Variants in KALRN observed in about 807,000 individuals in gnomAD.
KALRN encodes kalirin.
A neutral mutation model predicts 353.7 loss-of-function variants in KALRN; 70 were observed. The ratio of observed to expected loss-of-function variants is 0.20; its 90% CI spans 0.16 to 0.24. The LOEUF (loss-of-function observed/expected upper bound fraction) is 0.24. Among genes scored for constraint, KALRN ranks in the 10% least tolerant of loss-of-function variants. The pLI, the probability that KALRN is intolerant of heterozygous loss-of-function variation, is 1.00. For missense variants in KALRN, 2,791 were observed against 3,756.7 expected (o/e 0.74, Z 6.72); for synonymous variants, 1,391 against 1,434.8 (o/e 0.97, Z 0.69).
Position 124,395,243 on chromosome 3 carries a change from G to A in KALRN, c.2071G>A (p.Ala691Thr), listed in dbSNP as rs141093471. ...LIKQFQQQQT[A>T]TLDATLNVIK... Reference sequence around the variant, plus strand: ...CAAGCAGTTCCAGCAGCAGCAGACCGCCACTCTAGATGCCACACTCAATGT... The same window carrying A: ...CAAGCAGTTCCAGCAGCAGCAGACCACCACTCTAGATGCCACACTCAATGT... Residue 691 changes from alanine (A) to threonine (T), a missense_variant, in exon 12 of 60, where the codon GCC becomes ACC. By Grantham distance (58) the Ala-to-Thr change is moderately conservative. Transcript: ENST00000682506. The A allele has an allele frequency of 3.0e-5, 49 of 1,613,012 alleles. No individual in the cohort carries two copies. Among genetic ancestry groups the A allele is most frequent in the Middle Eastern group, 1.6e-4 (1 of 6,084 alleles).
At chr3:124,568,191 A>G (rs2073084341) in intron 34 of KALRN, among the ~76,000 whole-genome samples, 1 of 152,232 alleles carries the variant, frequency 6.6e-6, no homozygotes. Context: ...TGGACAAAGG[A>G]CTTAAACAGA....
At chr3:124,555,743 A>G (rs1048181408) in intron 33 of KALRN, among the ~76,000 whole-genome samples, 1 of 152,200 alleles carries the variant, frequency 6.6e-6, no homozygotes, top group African/African-American at 2.4e-5. Context: ...CATGGAATTT[A>G]TTCACTCGCG....
intron 33 of KALRN, among the ~76,000 whole-genome samples, chr3:124,501,483 A>ATGCAAGTT (rs2064529479): frequency 6.6e-6 from 1 of 152,220 alleles, no homozygotes; most frequent in Admixed American, 6.5e-5. Flanking sequence ...AGGCTTGGGT[A>ATGCAAGTT]GGAGATGGTA....
chr3:124,601,831 A>G (rs1381091169), intron 34 of KALRN, among the ~76,000 whole-genome samples: 3 of 151,384 alleles, frequency 2.0e-5, no homozygotes, highest in African/African-American at 7.3e-5. Context: ...GGTGTTTGAG[A>G]CCAGCCTAGG....
At chr3:124,142,180 G>A (rs1380365368) in intron 1 of KALRN, among the ~76,000 whole-genome samples, 1 of 152,192 alleles carries the variant, frequency 6.6e-6, no homozygotes, top group Non-Finnish European at 1.5e-5. Context: ...GAGACATAGG[G>A]CTAAGCTTTG....
At position 124,264,543 on chromosome 3, in the gene KALRN, G is replaced by A; in HGVS notation, c.309G>A (p.Arg103=). The change falls in exon 4 of 60, where the codon CGG becomes CGA. Residue 103 remains arginine (R), a synonymous_variant. Coordinates refer to ENST00000682506, the MANE Select transcript of KALRN (RefSeq NM_001388419.1). ...GCTTCACTGTCATCATCGACATGCG[G>A]GGCTCCAAGTGGGACCTCATCAAGC... The part of the protein sequence containing the change: ...KRGFTVIIDM[R]GSKWDLIKPL... 1 of 1,614,052 alleles carries A rather than the reference G, an allele frequency of 6.2e-7. No individual in the cohort carries two copies. The highest frequency in any genetic ancestry group is 8.5e-7 in the Non-Finnish European group (1 of 1,179,980).
At chr3:124,384,749 G>A in intron 10 of KALRN, 96 bp from the exon 11 acceptor site, 1 of 1,228,338 alleles carries the variant, frequency 8.1e-7, no homozygotes, top group African/African-American at 1.5e-5. Context: ...TCAGCTCAGC[G>A]CCCACGCCCC....
At chr3:124,323,574 G>T (rs753776097) in intron 6 of KALRN, among the ~76,000 whole-genome samples, 2 of 152,204 alleles carry the variant, frequency 1.3e-5, no homozygotes, top group Non-Finnish European at 2.9e-5. Context: ...CTTCCTAAAA[G>T]TAAGCAGAAA....
chr3:124,069,017 G>C (rs1165199731), intron 1 of KALRN, among the ~76,000 whole-genome samples: 2 of 152,174 alleles, frequency 1.3e-5, no homozygotes, highest in East Asian at 3.8e-4. Flanking sequence ...GTTGAAGCAT[G>C]AATAACAGCA....
intron 10 of KALRN, among the ~76,000 whole-genome samples, chr3:124,350,126 T>C (rs2082692799): frequency 6.6e-6 from 1 of 152,226 alleles, no homozygotes; most frequent in Admixed American, 6.5e-5. Flanking sequence ...ACCTTGGTTA[T>C]AGGCCCATGT....
rs201531934 is a variant in KALRN at position 124,667,207 on chromosome 3, G to T, written c.6703+24G>T. The T allele has an allele frequency of 5.2e-4, 835 of 1,604,072 alleles. 1 individual carries two copies. The highest frequency in any genetic ancestry group is 6.9e-4 in the Non-Finnish European group (805 of 1,173,280). On this transcript the variant is annotated intron_variant, in intron 47 of 59. Transcript: ENST00000682506. Reference sequence around the variant, plus strand: ...TGGTGGGTGCTGGGCTTGGTTCCTTGCAGGGCTGTGTCAGGGGACTCCACG... The same window carrying T: ...TGGTGGGTGCTGGGCTTGGTTCCTTTCAGGGCTGTGTCAGGGGACTCCACG...
intron 29 of KALRN, among the ~76,000 whole-genome samples, chr3:124,490,289 A>G (rs1266522181): frequency 6.6e-6 from 1 of 152,224 alleles, no homozygotes; most frequent in Non-Finnish European, 1.5e-5. Flanking sequence ...GGAGCTGAAG[A>G]CACTCAGTCA....
intron 5 of KALRN, among the ~76,000 whole-genome samples, chr3:124,292,599 T>C (rs2076517001): frequency 6.6e-6 from 1 of 151,316 alleles, no homozygotes; most frequent in Non-Finnish European, 1.5e-5. Flanking sequence ...GGTGGGAGGA[T>C]GGACAGGCAC....
At chr3:124,505,062 G>GCTTT in intron 33 of KALRN, 10 of 461,288 alleles carry the variant, frequency 2.2e-5, no homozygotes, top group South Asian at 1.6e-4. Context: ...AGAAGTGGTG[G>GCTTT]CTTTCAGGGC....
At position 124,697,704 on chromosome 3, in the gene KALRN, C is replaced by G; in HGVS notation, c.7811C>G (p.Thr2604Ser). ...GGAAACTGCACTATTTCTGGTTACA[C>G]TGTGGAGTACAGAGAGGAAGGTGCA... ...STGNCTISGY[T>S]VEYREEGSQI... Residue 2604 changes from threonine (T) to serine (S), a missense_variant, in exon 55 of 60, where the codon ACT becomes AGT. Around this residue, in one of 11 missense-constraint regions of KALRN, gnomAD observed 1,065 missense variants for 1,156.4 expected, o/e 0.92. Transcript: ENST00000682506. The G allele has an allele frequency of 6.3e-7, 1 of 1,589,796 alleles. No individual in the cohort carries two copies. The highest frequency in any genetic ancestry group is 8.6e-7 in the Non-Finnish European group (1 of 1,167,410).
chr3:124,380,500 G>C (rs1166320540), intron 10 of KALRN, among the ~76,000 whole-genome samples: 1 of 152,198 alleles, frequency 6.6e-6, no homozygotes, highest in East Asian at 1.9e-4. Context: ...CTACCTGAAA[G>C]CTCCAACAGC....
At chr3:124,637,366 A>G in intron 37 of KALRN, 63 bp downstream of exon 37, 1 of 1,202,466 alleles carries the variant, frequency 8.3e-7, no homozygotes, top group Admixed American at 1.7e-5. Flanking sequence ...CCAGGCTTGC[A>G]TCTGTCTGCC....
intron 34 of KALRN, among the ~76,000 whole-genome samples, chr3:124,588,586 G>A (rs186381469): frequency 6.6e-5 from 10 of 152,148 alleles, no homozygotes; most frequent in Admixed American, 5.9e-4. Context: ...CACCATGCCC[G>A]GCTAATTTTT....
intron 33 of KALRN, among the ~76,000 whole-genome samples, chr3:124,512,196 C>T (rs1446243491): frequency 6.6e-6 from 1 of 152,236 alleles, no homozygotes; most frequent in East Asian, 1.9e-4. Flanking sequence ...TGGATATTTT[C>T]CCTGGCCATT....
Sources: gnomAD v4.1 joint callset for allele counts (sites outside exome capture counted in the v4.1 genomes callset) on GRCh38, gnomAD v4.1.1 for gene constraint, gnomAD v4.1.1 regional missense constraint, MANE v1.5 for transcripts, NCBI Gene and HGNC (gene_info 2026-07-23, HGNC 2026-07-21) for gene names.